Variants in LDLRAD3 observed in about 807,000 individuals in gnomAD.
LDLRAD3 encodes low-density lipoprotein receptor class A domain-containing protein 3.
A neutral mutation model predicts 29.4 loss-of-function variants in LDLRAD3; 20 were observed. The observed-to-expected ratio is 0.68, with a 90% confidence interval of 0.48 to 0.99. The LOEUF is 0.99. Among genes scored for constraint, LDLRAD3 ranks in the 50% least tolerant of loss-of-function variants. The pLI is 0.00. For synonymous variants in LDLRAD3, 157 were observed against 192.7 expected (o/e 0.81, Z 1.53); for missense variants, 420 against 454.3 (o/e 0.92, Z 0.69).
intron 4 of LDLRAD3, among the ~76,000 whole-genome samples, chr11:36,222,329 C>T (rs141667672): frequency 6.6e-6 from 1 of 152,122 alleles, no homozygotes; most frequent in African/African-American, 2.4e-5. Flanking sequence ...AGCCATCCCC[C>T]CTACTTTCAC....
At chr11:36,051,833 A>C (rs1852533106) in intron 2 of LDLRAD3, among the ~76,000 whole-genome samples, 1 of 152,228 alleles carries the variant, frequency 6.6e-6, no homozygotes, top group African/African-American at 2.4e-5. Flanking sequence ...CACAAAATAA[A>C]GGGCTAAGCT....
intron 1 of LDLRAD3, among the ~76,000 whole-genome samples, chr11:35,999,443 T>A (rs1164769405): frequency 6.6e-6 from 1 of 152,198 alleles, no homozygotes; most frequent in Admixed American, 6.5e-5. Context: ...GGGGCCTGGC[T>A]GCAGCCACAA....
chr11:36,094,389 T>A (rs548692110), intron 3 of LDLRAD3, among the ~76,000 whole-genome samples: 18 of 152,292 alleles, frequency 1.2e-4, no homozygotes, highest in Admixed American at 5.9e-4. Context: ...CAAGGTTGAG[T>A]CATTACAACA....
intron 4 of LDLRAD3, among the ~76,000 whole-genome samples, chr11:36,135,845 GGTT>G (rs1853996396): frequency 6.6e-6 from 1 of 152,178 alleles, no homozygotes; most frequent in Non-Finnish European, 1.5e-5. Context: ...GGGAGGCAGA[GGTT>G]GCAGTGAGCC....
In LDLRAD3 at chr11:36,125,603, C is replaced by G. The variant is rs78748062; in HGVS notation, c.454+27142C>G. On this transcript the variant is annotated intron_variant, in intron 4 of 5. Coordinates refer to ENST00000315571, the MANE Select transcript of LDLRAD3 (RefSeq NM_174902.4). ...CTGGTCGATGGGGTGAGTTTGTAAG[C>G]TCAGTGTGAGACTGCTCCATCTGAG... 5.7e-3 allele frequency among the ~76,000 whole-genome samples: 870 copies of G among 152,264 alleles called. 9 individuals carry two copies. Among genetic ancestry groups the G allele is most frequent in the African/African-American group, 0.02 (836 of 41,534 alleles).
At chr11:35,951,999 T>C (rs910145907) in intron 1 of LDLRAD3, among the ~76,000 whole-genome samples, 5 of 152,238 alleles carry the variant, frequency 3.3e-5, no homozygotes, top group African/African-American at 9.6e-5. Flanking sequence ...TCGGCTCTTA[T>C]ATACCTACCC....
At chr11:35,959,988 T>C (rs1417323619) in intron 1 of LDLRAD3, among the ~76,000 whole-genome samples, 2 of 152,136 alleles carry the variant, frequency 1.3e-5, no homozygotes, top group African/African-American at 4.8e-5. Context: ...CCTCATCCCA[T>C]TACTCTCTCT....
chr11:36,126,070 G>A (rs953133537), intron 4 of LDLRAD3, among the ~76,000 whole-genome samples: 1 of 152,116 alleles, frequency 6.6e-6, no homozygotes, highest in Admixed American at 6.6e-5. Context: ...CACCCTTCAC[G>A]TACAGTGCTG....
intron 2 of LDLRAD3, among the ~76,000 whole-genome samples, chr11:36,053,663 G>A (rs765265523): frequency 6.6e-6 from 1 of 152,140 alleles, no homozygotes; most frequent in Non-Finnish European, 1.5e-5. Flanking sequence ...CATCTGCTTG[G>A]AATCCTCTTC....
At chr11:36,203,903 G>A (rs1023474870) in intron 4 of LDLRAD3, among the ~76,000 whole-genome samples, 2 of 152,080 alleles carry the variant, frequency 1.3e-5, no homozygotes, top group Non-Finnish European at 2.9e-5. Context: ...CTGGAATAGT[G>A]TGTGATTTCT....
chr11:35,957,782 TG>T (rs1455647829), intron 1 of LDLRAD3, among the ~76,000 whole-genome samples: 76 of 116,252 alleles, frequency 6.5e-4, no homozygotes, highest in African/African-American at 2.4e-3. Flanking sequence ...GGTGACAGAG[TG>T]AGACCTTATC....
At chr11:36,074,273 C>T (rs1251000417) in intron 2 of LDLRAD3, among the ~76,000 whole-genome samples, 2 of 152,158 alleles carry the variant, frequency 1.3e-5, no homozygotes, top group Non-Finnish European at 2.9e-5. Flanking sequence ...TAATACAAAA[C>T]TGGGGAGACC....
intron 2 of LDLRAD3, among the ~76,000 whole-genome samples, chr11:36,038,017 C>T (rs1852326620): frequency 1.3e-5 from 2 of 152,162 alleles, no homozygotes; most frequent in African/African-American, 2.4e-5. Flanking sequence ...CCACTTTGAT[C>T]CCCCTAGTAG....
chr11:35,976,906 G>A (rs952413265), intron 1 of LDLRAD3, among the ~76,000 whole-genome samples: 1 of 152,166 alleles, frequency 6.6e-6, no homozygotes, highest in Non-Finnish European at 1.5e-5. Context: ...GTGTTTAGCT[G>A]TGTTGCTTTG....
intron 4 of LDLRAD3, among the ~76,000 whole-genome samples, chr11:36,109,325 T>A (rs1853574957): frequency 6.7e-6 from 1 of 149,092 alleles, no homozygotes; most frequent in African/African-American, 2.5e-5. Context: ...TTGCGCTCTC[T>A]CCCATGGGCC....
At chr11:35,994,551 A>G (rs1851729918) in intron 1 of LDLRAD3, among the ~76,000 whole-genome samples, 1 of 152,122 alleles carries the variant, frequency 6.6e-6, no homozygotes, top group African/African-American at 2.4e-5. Context: ...CTGACTGATC[A>G]GTGTAGTGGT....
chr11:36,085,543 C>A (rs1590255076), intron 3 of LDLRAD3, among the ~76,000 whole-genome samples: 1 of 152,128 alleles, frequency 6.6e-6, no homozygotes, highest in East Asian at 1.9e-4. Flanking sequence ...TTATGGGAGT[C>A]TAATGACAAC....
chr11:36,146,472 G>T (rs1410834702), intron 4 of LDLRAD3, among the ~76,000 whole-genome samples: 1 of 152,122 alleles, frequency 6.6e-6, no homozygotes, highest in East Asian at 1.9e-4. Flanking sequence ...ATAGTATATT[G>T]TATATTGGTT....
At chr11:36,075,917 T>G (rs1852991973) in intron 2 of LDLRAD3, among the ~76,000 whole-genome samples, 1 of 152,252 alleles carries the variant, frequency 6.6e-6, no homozygotes, top group South Asian at 2.1e-4. Context: ...TGTGTCCTTT[T>G]GACATGCCCC....
Sources: gnomAD v4.1 joint callset for allele counts (sites outside exome capture counted in the v4.1 genomes callset) on GRCh38, gnomAD v4.1.1 for gene constraint, MANE v1.5 for transcripts, NCBI Gene and HGNC (gene_info 2026-07-23, HGNC 2026-07-21) for gene names.